Variants in CCDC178 observed in about 807,000 individuals in gnomAD.
CCDC178 encodes the protein coiled-coil domain-containing protein 178.
CCDC178 carries 126 observed loss-of-function variants against 117.4 expected under a neutral mutation model. The ratio of observed to expected loss-of-function variants is 1.07; its 90% CI spans 0.93 to 1.24. CCDC178 has a LOEUF of 1.24. CCDC178 is among the 50% of genes most tolerant of loss of function. The pLI is 0.00. For missense variants in CCDC178, 1,030 were observed against 986.9 expected (o/e 1.04, Z -0.59); for synonymous variants, 283 against 313.4 (o/e 0.90, Z 1.02).
Position 33,331,026 on chromosome 18 carries a change from CTTTTTTTTTTT to C in CCDC178, c.879+2137_879+2147del, listed in dbSNP as rs67153629. On this transcript the variant is annotated intron_variant, in intron 10 of 22. Transcript: ENST00000383096. ...CCTGATAAGCTTTACACAAACATTG[CTTTTTTTTTTT>C]TTTTTTTTTTTTTTTGGTCTGCTAG... 4.0e-3 allele frequency among the ~76,000 whole-genome samples: 182 copies of C among 45,056 alleles called. 5 individuals are homozygous for C. The highest frequency in any genetic ancestry group is 0.022 in the African/African-American group (171 of 7,856). 29.6% of individuals were successfully genotyped at this position (45,056 alleles called of 152,430 possible).
rs192620000 is a variant in CCDC178, at chr18:33,236,214, A to C, written c.1593+9031T>G. On this transcript the variant is annotated intron_variant, in intron 15 of 22. Transcript: ENST00000383096. ...GATTAATTTCAGGCCAGGCTCAACAAATACAGAAAGTTACTTAAAAGGAAA... is the reference window on the plus strand; with the variant it reads ...GATTAATTTCAGGCCAGGCTCAACACATACAGAAAGTTACTTAAAAGGAAA... Among the ~76,000 whole-genome samples, 75 of 152,308 alleles carry C rather than the reference A, an allele frequency of 4.9e-4. 1 individual carries two copies. The South Asian group carries it at 5.4e-3, about 11-fold the overall frequency.
rs149719292 is a variant in CCDC178, at chr18:33,347,693, T to C, written c.457+1197A>G. Reference sequence around the variant, plus strand: ...AGTCTGGAATATATGAATAAATTAATACCACTTATAATTAAAATACTTCTG... The same window carrying C: ...AGTCTGGAATATATGAATAAATTAACACCACTTATAATTAAAATACTTCTG... On this transcript the variant is annotated intron_variant, in intron 8 of 22. Transcript: ENST00000383096. Among the ~76,000 whole-genome samples the C allele has an allele frequency of 2.4e-3, 368 of 152,254 alleles. 2 individuals carry two copies. Among genetic ancestry groups the C allele is most frequent in the African/African-American group, 8.1e-3 (336 of 41,584 alleles).
At chr18:32,942,721 A>G (rs2054268188) in intron 22 of CCDC178, among the ~76,000 whole-genome samples, 1 of 151,970 alleles carries the variant, frequency 6.6e-6, no homozygotes, top group South Asian at 2.1e-4. Context: ...TTATCTCCCA[A>G]AGCATTTTGA....
intron 18 of CCDC178, among the ~76,000 whole-genome samples, chr18:33,219,539 A>G (rs902478450): frequency 6.6e-5 from 10 of 152,282 alleles, no homozygotes; most frequent in East Asian, 3.9e-4. Context: ...ATGTCCATCA[A>G]TGATAGACTG....
chr18:33,210,011 A>T (rs2144584145), intron 20 of CCDC178, among the ~76,000 whole-genome samples: 1 of 152,020 alleles, frequency 6.6e-6, no homozygotes, highest in East Asian at 1.9e-4. Context: ...TATCAGGAGT[A>T]TCAGGCTGGT....
At chr18:33,275,919 C>A (rs1317169916) in intron 12 of CCDC178, among the ~76,000 whole-genome samples, 1 of 151,702 alleles carries the variant, frequency 6.6e-6, no homozygotes, top group Non-Finnish European at 1.5e-5. Flanking sequence ...GCATTAGATT[C>A]ATATCTAATA....
chr18:33,110,274 T>C (rs1349377712), intron 20 of CCDC178, among the ~76,000 whole-genome samples: 1 of 151,628 alleles, frequency 6.6e-6, no homozygotes, highest in Non-Finnish European at 1.5e-5. Flanking sequence ...TACAGTTTCT[T>C]TATTCATCAT....
intron 21 of CCDC178, among the ~76,000 whole-genome samples, chr18:33,068,507 G>T (rs907668871): frequency 6.6e-6 from 1 of 151,756 alleles, no homozygotes; most frequent in African/African-American, 2.4e-5. Context: ...ATGCAAGGAT[G>T]GTTCAACATT....
chr18:33,056,469 G>A (rs545998925), intron 21 of CCDC178, among the ~76,000 whole-genome samples: 1 of 152,276 alleles, frequency 6.6e-6, no homozygotes, highest in East Asian at 1.9e-4. Flanking sequence ...ACGTGGCAGG[G>A]CCATAAAATC....
chr18:33,045,593 T>G lies in CCDC178; in HGVS notation c.2388+47168A>C, dbSNP rs528297117. ...ATCTGTTCCAAAGCTTAATATCAATTGTTCTGGCCTTCATCTGTATAAATT... is the reference window on the plus strand; with the variant it reads ...ATCTGTTCCAAAGCTTAATATCAATGGTTCTGGCCTTCATCTGTATAAATT... On this transcript the variant is annotated intron_variant, in intron 21 of 22. Transcript: ENST00000383096. Among the ~76,000 whole-genome samples the G allele has an allele frequency of 6.6e-5, 10 of 152,326 alleles. No individual in the cohort carries two copies. In the East Asian group the frequency reaches 1.7e-3, roughly 26 times the overall value.
At chr18:33,229,053 G>T (rs1329139021) in intron 15 of CCDC178, among the ~76,000 whole-genome samples, 5 of 152,130 alleles carry the variant, frequency 3.3e-5, no homozygotes, top group African/African-American at 1.2e-4. Flanking sequence ...TCCCTGTAAA[G>T]CTGACTCTAG....
At chr18:33,438,836 T>C (rs1264687109) in intron 2 of CCDC178, among the ~76,000 whole-genome samples, 1 of 152,204 alleles carries the variant, frequency 6.6e-6, no homozygotes, top group Non-Finnish European at 1.5e-5. Flanking sequence ...TAATCTGCCA[T>C]CTAGCATTTT....
intron 12 of CCDC178, among the ~76,000 whole-genome samples, chr18:33,289,161 T>C (rs1436261469): frequency 6.6e-6 from 1 of 152,198 alleles, no homozygotes; most frequent in African/African-American, 2.4e-5. Context: ...CTCTTGCCTA[T>C]GTAGCAGTGT....
chr18:33,353,213 A>G (rs1034998294), intron 7 of CCDC178, among the ~76,000 whole-genome samples: 2 of 151,994 alleles, frequency 1.3e-5, no homozygotes, highest in East Asian at 3.9e-4. Context: ...TGATATTGGT[A>G]TAGTCACTCC....
At chr18:33,231,007 T>A (rs139901122) in intron 15 of CCDC178, among the ~76,000 whole-genome samples, 225 of 152,272 alleles carry the variant, frequency 1.5e-3, no homozygotes, top group African/African-American at 5.2e-3. Flanking sequence ...ACTGATAGAT[T>A]CTAAATCCAC....
intron 22 of CCDC178, among the ~76,000 whole-genome samples, chr18:32,955,575 A>G (rs1261700995): frequency 6.6e-6 from 1 of 152,150 alleles, no homozygotes; most frequent in African/African-American, 2.4e-5. Flanking sequence ...ATAAATGCCT[A>G]CACAGATATT....
chr18:33,395,646 C>T (rs1211148116), intron 4 of CCDC178, among the ~76,000 whole-genome samples: 2 of 152,034 alleles, frequency 1.3e-5, no homozygotes, highest in Non-Finnish European at 2.9e-5. Flanking sequence ...TAAGTTTGTG[C>T]CATATCGGTA....
intron 20 of CCDC178, among the ~76,000 whole-genome samples, chr18:33,162,344 A>T (rs2058475719): frequency 6.6e-6 from 1 of 152,230 alleles, no homozygotes; most frequent in Middle Eastern, 3.4e-3. Context: ...TAAAAAAAAT[A>T]ATTTGTTAAA....
chr18:32,971,072 G>A (rs2144685593), intron 22 of CCDC178, among the ~76,000 whole-genome samples: 1 of 151,986 alleles, frequency 6.6e-6, no homozygotes, highest in East Asian at 1.9e-4. Flanking sequence ...TTGTTACATA[G>A]GTATATATGT....
Sources: allele counts gnomAD v4.1 joint callset (sites outside exome capture counted in the v4.1 genomes callset), GRCh38; gene constraint gnomAD v4.1.1; transcripts MANE v1.5; gene names NCBI Gene and HGNC (gene_info 2026-07-23, HGNC 2026-07-21).